KLF12: variants seen among roughly 807,000 people sequenced by gnomAD.
The protein encoded by KLF12 is Krueppel-like factor 12.
A neutral mutation model predicts 37.8 loss-of-function variants in KLF12; 9 were observed. That is an observed-to-expected ratio of 0.24 (90% CI 0.14 to 0.42). KLF12 has a LOEUF of 0.42. Ranked by LOEUF, KLF12 falls within the 10% of genes least tolerant of loss-of-function variation. The pLI, the probability that KLF12 is intolerant of heterozygous loss-of-function variation, is 1.00. For missense variants in KLF12, 411 were observed against 516.0 expected (o/e 0.80, Z 1.97); for synonymous variants, 208 against 202.1 (o/e 1.03, Z -0.25).
At chr13:74,124,378 T>C (rs990253013) in intron 1 of KLF12, among the ~76,000 whole-genome samples, 2 of 152,250 alleles carry the variant, frequency 1.3e-5, no homozygotes. Flanking sequence ...TTTCAAGTTT[T>C]TCCTTCCATT....
intron 3 of KLF12, among the ~76,000 whole-genome samples, chr13:73,931,600 C>T (rs1832186573): frequency 2.0e-5 from 3 of 152,046 alleles, no homozygotes; most frequent in Admixed American, 6.6e-5. Flanking sequence ...CTTCATAAAA[C>T]GACATCCATT....
At chr13:74,262,721 G>A in the KLF12 span, among the ~76,000 whole-genome samples, 1 of 152,152 alleles carries the variant, frequency 6.6e-6, no homozygotes, top group Non-Finnish European at 1.5e-5. Context: ...CACAGATGTA[G>A]AGGATCAACT....
chr13:74,212,931 A>T, the KLF12 span, among the ~76,000 whole-genome samples: 1 of 152,060 alleles, frequency 6.6e-6, no homozygotes, highest in African/African-American at 2.4e-5. Flanking sequence ...GTTGATAAGG[A>T]CATGTTTTTC....
chr13:73,917,083 G>A (rs891948704), intron 3 of KLF12, among the ~76,000 whole-genome samples: 1 of 152,148 alleles, frequency 6.6e-6, no homozygotes, highest in Admixed American at 6.5e-5. Context: ...AAATTTGGAC[G>A]AGCATCACCA....
intron 5 of KLF12, among the ~76,000 whole-genome samples, chr13:73,769,276 G>A (rs1362163425): frequency 2.0e-5 from 3 of 152,024 alleles, no homozygotes; most frequent in African/African-American, 4.8e-5. Flanking sequence ...TATCCACACC[G>A]CTCTGATGAA....
chr13:74,039,378 G>T (rs528870577), intron 1 of KLF12, among the ~76,000 whole-genome samples: 2 of 151,288 alleles, frequency 1.3e-5, no homozygotes, highest in Non-Finnish European at 3.0e-5. Flanking sequence ...TCTACCAAAA[G>T]AAAAAATAGC....
chr13:73,888,009 T>A (rs1469159662), intron 3 of KLF12, among the ~76,000 whole-genome samples: 2 of 141,608 alleles, frequency 1.4e-5, no homozygotes, highest in Non-Finnish European at 1.5e-5. Flanking sequence ...AATTTCAGAA[T>A]TTTTTTTTTT....
chr13:73,741,137 C>A (rs1364846999), intron 6 of KLF12, among the ~76,000 whole-genome samples: 2 of 152,172 alleles, frequency 1.3e-5, no homozygotes, highest in East Asian at 1.9e-4. Context: ...TTTAAAGTTA[C>A]AATTCATCCT....
chr13:74,177,975 C>T, the KLF12 span, among the ~76,000 whole-genome samples: 15 of 152,200 alleles, frequency 9.9e-5, no homozygotes, highest in Non-Finnish European at 2.1e-4. Context: ...CAACAGAAAC[C>T]GCTCAGGTCT....
intron 7 of KLF12, among the ~76,000 whole-genome samples, chr13:73,713,837 T>C (rs1875593000): frequency 6.6e-6 from 1 of 152,220 alleles, no homozygotes; most frequent in Non-Finnish European, 1.5e-5. Flanking sequence ...AAAATGAGGC[T>C]AATATGTATT....
rs779778315 is a variant in KLF12, at chr13:74,080,614, AT to A, written c.-32+53124del. 2.6e-5 allele frequency among the ~76,000 whole-genome samples: 4 copies of A among 152,154 alleles called. No individual in the cohort carries two copies. The East Asian group carries it at 7.7e-4, about 29-fold the overall frequency. On this transcript the variant is annotated intron_variant, in intron 1 of 7. Coordinates refer to ENST00000377669, the MANE Select transcript of KLF12 (RefSeq NM_007249.5). ...GCCTACTGGCTTAGAATTTCCAGAG[AT>A]TAGGGTAAAATAACTGGTATTTCTA...
chr13:74,003,284 G>A lies in KLF12; in HGVS notation c.-31-8231C>T, dbSNP rs748532258. On this transcript the variant is annotated intron_variant, in intron 1 of 7. Transcript: ENST00000377669. The stretch of plus-strand genomic sequence containing the variant: ...GGAAGACAAGACATTTCAGGGAAAA[G>A]AGATGGACTGGGTAGTAGATTTAAG... 2.0e-5 allele frequency among the ~76,000 whole-genome samples: 3 copies of A among 152,218 alleles called. No individual in the cohort carries two copies. The South Asian group carries it at 6.2e-4, about 31-fold the overall frequency.
chr13:73,822,546 T>A (rs55817841), intron 4 of KLF12, among the ~76,000 whole-genome samples: 33,473 of 152,140 alleles, frequency 0.22, 3,921 homozygotes, highest in East Asian at 0.48. Context: ...ACTGGATTAC[T>A]AAGTGAGACT....
chr13:74,162,178 C>A, the KLF12 span, among the ~76,000 whole-genome samples: 183 of 152,266 alleles, frequency 1.2e-3, 1 homozygote, highest in African/African-American at 4.2e-3. Flanking sequence ...AAGTTAGGAC[C>A]ATGGGACCTT....
chr13:74,192,756 C>A, the KLF12 span, among the ~76,000 whole-genome samples: 6 of 152,154 alleles, frequency 3.9e-5, no homozygotes, highest in Non-Finnish European at 5.9e-5. Context: ...ACACTTTGGA[C>A]AGTCTAGTAA....
At chr13:73,809,839 G>A (rs1055889820) in intron 5 of KLF12, among the ~76,000 whole-genome samples, 15 of 151,990 alleles carry the variant, frequency 9.9e-5, no homozygotes, top group Admixed American at 9.8e-4. Flanking sequence ...TAACTAAATC[G>A]TTTAATGAAA....
At chr13:73,799,342 A>C (rs1882162028) in intron 5 of KLF12, among the ~76,000 whole-genome samples, 1 of 152,162 alleles carries the variant, frequency 6.6e-6, no homozygotes, top group South Asian at 2.1e-4. Flanking sequence ...AATAATCTGC[A>C]CAACGAACCA....
intron 1 of KLF12, among the ~76,000 whole-genome samples, chr13:74,083,949 G>A (rs891459875): frequency 6.6e-6 from 1 of 152,224 alleles, no homozygotes; most frequent in Non-Finnish European, 1.5e-5. Context: ...ATTATTAGAA[G>A]AGAGAATACA....
At chr13:73,795,141 G>C (rs986987534) in intron 5 of KLF12, among the ~76,000 whole-genome samples, 3 of 152,208 alleles carry the variant, frequency 2.0e-5, no homozygotes, top group African/African-American at 7.2e-5. Context: ...AGACAATCTT[G>C]AATCTTATTT....
Sources: gnomAD v4.1 joint callset for allele counts (sites outside exome capture counted in the v4.1 genomes callset) on GRCh38, gnomAD v4.1.1 for gene constraint, MANE v1.5 for transcripts, NCBI Gene and HGNC (gene_info 2026-07-23, HGNC 2026-07-21) for gene names.